Variants in CHCHD3 observed in about 807,000 individuals in gnomAD.
CHCHD3 encodes the protein coiled-coil-helix-coiled-coil-helix domain containing 3, also known as MICOS complex subunit MIC19.
CHCHD3 carries 20 observed loss-of-function variants against 38.2 expected under a neutral mutation model. That is an observed-to-expected ratio of 0.52 (90% CI 0.37 to 0.76). The LOEUF (loss-of-function observed/expected upper bound fraction) is 0.76, where lower values mean the gene tolerates loss of function less well. Ranked by LOEUF, CHCHD3 falls within the 30% of genes least tolerant of loss-of-function variation. CHCHD3 has a pLI of 0.00. For missense variants in CHCHD3, 245 were observed against 279.2 expected, an observed-to-expected ratio of 0.88 and a Z score of 0.87; for synonymous variants, 82 against 100.0, an observed-to-expected ratio of 0.82 and a Z score of 1.07.
chr7:132,895,474 G>A (rs1253326449), intron 4 of CHCHD3, among the ~76,000 whole-genome samples: 1 of 152,242 alleles, frequency 6.6e-6, no homozygotes, highest in Non-Finnish European at 1.5e-5. Flanking sequence ...GCCTTCTGTG[G>A]AAAACCACAG....
At chr7:132,959,462 C>A (rs1296281481) in intron 4 of CHCHD3, among the ~76,000 whole-genome samples, 6 of 152,070 alleles carry the variant, frequency 3.9e-5, no homozygotes, top group African/African-American at 1.4e-4. Context: ...GTGGCTCACG[C>A]CTATAATCCC....
chr7:132,833,210 C>T (rs1184261593), intron 6 of CHCHD3, among the ~76,000 whole-genome samples: 1 of 152,126 alleles, frequency 6.6e-6, no homozygotes, highest in Non-Finnish European at 1.5e-5. Context: ...TAGAAACTAG[C>T]ACCCTAAGTT....
intron 2 of CHCHD3, chr7:133,051,852 G>C (rs1814177376): frequency 1.3e-5 from 2 of 152,076 alleles, no homozygotes; most frequent in African/African-American, 4.8e-5. Flanking sequence ...CGCAGTGTTA[G>C]GAAACAAAGA....
chr7:132,951,532 G>T (rs935172609), intron 4 of CHCHD3, among the ~76,000 whole-genome samples: 8 of 152,300 alleles, frequency 5.3e-5, no homozygotes, highest in Non-Finnish European at 1.0e-4. Flanking sequence ...ACTGAACGGT[G>T]ACTGTGCATG....
rs149756666 is a variant in CHCHD3 at position 132,802,965 on chromosome 7, C to G, written c.525-6388G>C. 3.1e-3 allele frequency among the ~76,000 whole-genome samples: 476 copies of G among 152,212 alleles called. 1 individual carries two copies. The highest frequency in any genetic ancestry group is 0.011 in the African/African-American group (457 of 41,536). On this transcript the variant is annotated intron_variant, in intron 6 of 7. Transcript: ENST00000262570. Reference sequence around the variant, plus strand: ...AGAGCTATAAGCCATCCCTCCCTCCCTTTCTTTCTTAACAATGCTTGAAAT... The same window carrying G: ...AGAGCTATAAGCCATCCCTCCCTCCGTTTCTTTCTTAACAATGCTTGAAAT...
intron 2 of CHCHD3, among the ~76,000 whole-genome samples, chr7:133,051,149 TAAC>T (rs1814152183): frequency 2.0e-5 from 3 of 152,148 alleles, no homozygotes; most frequent in Admixed American, 2.0e-4. Flanking sequence ...CCAGAAAGCA[TAAC>T]AACAATTACA....
intron 4 of CHCHD3, among the ~76,000 whole-genome samples, chr7:132,890,064 G>A (rs183543899): frequency 1.2e-4 from 18 of 152,198 alleles, no homozygotes; most frequent in South Asian, 2.1e-4. Flanking sequence ...TGCCAGATTC[G>A]GGATAACGTA....
At chr7:133,055,442 TTTA>T (rs1348678841) in intron 2 of CHCHD3, among the ~76,000 whole-genome samples, 3 of 145,308 alleles carry the variant, frequency 2.1e-5, no homozygotes, top group Non-Finnish European at 3.0e-5. Context: ...TTGTTATGTA[TTTA>T]TTATAATTAA....
chr7:132,838,624 T>C (rs1807856630), intron 5 of CHCHD3, among the ~76,000 whole-genome samples, 155 bp from the exon 6 acceptor site: 1 of 152,212 alleles, frequency 6.6e-6, no homozygotes, highest in African/African-American at 2.4e-5. Context: ...ATAAAACACA[T>C]GTAAAGCTAC....
chr7:133,012,824 A>AGAGAG (rs1812915689), intron 3 of CHCHD3, among the ~76,000 whole-genome samples: 1 of 62,296 alleles, frequency 1.6e-5, no homozygotes, highest in African/African-American at 6.5e-5. Flanking sequence ...GGGGAGGGGA[A>AGAGAG]GGGAGGGGAG....
At chr7:132,926,919 T>A (rs911503987) in intron 4 of CHCHD3, among the ~76,000 whole-genome samples, 6 of 152,162 alleles carry the variant, frequency 3.9e-5, no homozygotes, top group Non-Finnish European at 7.3e-5. Flanking sequence ...GAGGGGTAAC[T>A]GCATAGGTAT....
intron 5 of CHCHD3, among the ~76,000 whole-genome samples, chr7:132,857,783 C>A (rs1808378370): frequency 6.6e-6 from 1 of 152,148 alleles, no homozygotes; most frequent in South Asian, 2.1e-4. Context: ...CTGCTTGTGA[C>A]CTTGGGCAAG....
intron 5 of CHCHD3, among the ~76,000 whole-genome samples, chr7:132,840,507 T>C (rs1807914056): frequency 6.6e-6 from 1 of 152,236 alleles, no homozygotes; most frequent in Admixed American, 6.5e-5. Context: ...GGTTCTGTTC[T>C]GTGACCTTGA....
chr7:132,835,673 A>G (rs2117091269), intron 6 of CHCHD3, among the ~76,000 whole-genome samples: 1 of 152,262 alleles, frequency 6.6e-6, no homozygotes, highest in South Asian at 2.1e-4. Context: ...TGATTTTCCA[A>G]TCTGCTAACC....
At chr7:133,006,367 G>A (rs1178791087) in intron 3 of CHCHD3, among the ~76,000 whole-genome samples, 1 of 152,092 alleles carries the variant, frequency 6.6e-6, no homozygotes, top group Non-Finnish European at 1.5e-5. Context: ...TTGGGAGCCT[G>A]AGGCACAAGA....
At chr7:132,996,946 A>G (rs539376635) in intron 3 of CHCHD3, among the ~76,000 whole-genome samples, 62 of 152,358 alleles carry the variant, frequency 4.1e-4, no homozygotes, top group African/African-American at 1.4e-3. Context: ...ACGGCTAGGT[A>G]AACAGCATCT....
At chr7:132,977,479 G>A (rs1339796900) in intron 3 of CHCHD3, among the ~76,000 whole-genome samples, 6 of 152,144 alleles carry the variant, frequency 3.9e-5, no homozygotes, top group Admixed American at 3.9e-4. Context: ...AACTGCTGAG[G>A]TTATCATATC....
intron 5 of CHCHD3, among the ~76,000 whole-genome samples, chr7:132,868,235 G>A (rs974316901): frequency 2.0e-5 from 3 of 152,106 alleles, no homozygotes; most frequent in African/African-American, 7.2e-5. Context: ...CAAAGCTGAC[G>A]GGAAGTTGTG....
intron 4 of CHCHD3, among the ~76,000 whole-genome samples, chr7:132,912,633 C>T (rs762233888): frequency 3.3e-5 from 5 of 152,166 alleles, no homozygotes; most frequent in Non-Finnish European, 4.4e-5. Context: ...CGGCCCACTG[C>T]AATGTCTGCC....
Sources: allele counts gnomAD v4.1 joint callset (sites outside exome capture counted in the v4.1 genomes callset), GRCh38; gene constraint gnomAD v4.1.1; transcripts MANE v1.5; gene names NCBI Gene and HGNC (gene_info 2026-07-23, HGNC 2026-07-21).